The following AGBL4 variants were observed in gnomAD, a reference collection of about 807,000 sequenced individuals.
AGBL4 encodes the protein AGBL carboxypeptidase 4, also known as cytosolic carboxypeptidase 6.
In AGBL4, 58 loss-of-function variants were observed where a neutral mutation model predicts 66.4. That is an observed-to-expected ratio of 0.87 (90% CI 0.71 to 1.09). The LOEUF is 1.09. Ranked by LOEUF, AGBL4 falls within the 50% of genes least tolerant of loss-of-function variation. AGBL4 has a pLI of 0.00. For missense variants in AGBL4, 579 were observed against 631.0 expected (o/e 0.92, Z 0.88); for synonymous variants, 234 against 222.9 (o/e 1.05, Z -0.44).
chr1:48,960,552 T>G (rs566619020), intron 5 of AGBL4, among the ~76,000 whole-genome samples: 74 of 152,236 alleles, frequency 4.9e-4, no homozygotes, highest in African/African-American at 1.8e-3. Flanking sequence ...CTCTGGTGTA[T>G]TTCAAAATCT....
downstream of AGBL4, among the ~76,000 whole-genome samples, chr1:48,529,564 T>C (rs1014594952): frequency 1.3e-5 from 2 of 152,160 alleles, no homozygotes; most frequent in Admixed American, 1.3e-4. Flanking sequence ...CTGTTCCTAT[T>C]ACGTTATGTC....
chr1:49,738,983 T>A (rs558666023), intron 2 of AGBL4, among the ~76,000 whole-genome samples: 2 of 152,312 alleles, frequency 1.3e-5, no homozygotes, highest in African/African-American at 4.8e-5. Flanking sequence ...CTAAAAAGTC[T>A]GAAAATCAGA....
chr1:49,416,049 G>A (rs143261582), intron 3 of AGBL4, among the ~76,000 whole-genome samples: 197 of 152,138 alleles, frequency 1.3e-3, no homozygotes, highest in African/African-American at 4.5e-3. Context: ...AGGGGTCAAT[G>A]TCAAAAATAT....
chr1:49,514,627 C>T (rs1332210109), intron 3 of AGBL4, among the ~76,000 whole-genome samples: 1 of 152,106 alleles, frequency 6.6e-6, no homozygotes, highest in Non-Finnish European at 1.5e-5. Context: ...CGCTACCTGA[C>T]TTCAAACTAT....
At chr1:48,788,800 C>T (rs769690563) in intron 6 of AGBL4, among the ~76,000 whole-genome samples, 30 of 152,052 alleles carry the variant, frequency 2.0e-4, no homozygotes, top group Non-Finnish European at 3.4e-4. Context: ...ATTTGGTGAG[C>T]GCTTATAATG....
At chr1:49,762,669 C>A (rs1423686995) in intron 2 of AGBL4, among the ~76,000 whole-genome samples, 2 of 152,226 alleles carry the variant, frequency 1.3e-5, no homozygotes, top group East Asian at 3.8e-4. Flanking sequence ...GCCTTGGCCT[C>A]CCAAAGTGTT....
chr1:49,129,583 G>C (rs967188980), intron 4 of AGBL4, among the ~76,000 whole-genome samples: 7 of 151,432 alleles, frequency 4.6e-5, no homozygotes, highest in Admixed American at 2.0e-4. Flanking sequence ...TTGTCCTTGC[G>C]ATAGTTTACT....
chr1:49,656,659 T>G (rs1055813058), intron 3 of AGBL4, among the ~76,000 whole-genome samples: 3 of 152,146 alleles, frequency 2.0e-5, no homozygotes, highest in African/African-American at 7.2e-5. Context: ...TTATCCACCA[T>G]GATCAAGTGG....
chr1:48,921,941 G>GT (rs1642668933), intron 5 of AGBL4, among the ~76,000 whole-genome samples: 2 of 152,256 alleles, frequency 1.3e-5, no homozygotes, highest in Middle Eastern at 3.4e-3. Context: ...GTAAGCATCA[G>GT]TTAAAACAAT....
intron 2 of AGBL4, among the ~76,000 whole-genome samples, chr1:49,704,603 G>A (rs1647167279): frequency 6.6e-6 from 1 of 152,016 alleles, no homozygotes; most frequent in Non-Finnish European, 1.5e-5. Context: ...GCTAATTTTT[G>A]TATAAGGTGT....
intron 2 of AGBL4, chr1:49,842,243 C>T: frequency 2.2e-6 from 1 of 445,278 alleles, no homozygotes; most frequent in South Asian, 1.9e-5. Flanking sequence ...CCAGAGGGCC[C>T]TGTACTATGA....
At chr1:49,466,036 T>C (rs865921379) in intron 3 of AGBL4, among the ~76,000 whole-genome samples, 2 of 151,992 alleles carry the variant, frequency 1.3e-5, no homozygotes, top group African/African-American at 4.8e-5. Flanking sequence ...TAGAGTAGCA[T>C]TTTGTGCCTT....
intron 7 of AGBL4, among the ~76,000 whole-genome samples, chr1:48,653,841 A>C (rs1222564578): frequency 3.3e-5 from 5 of 152,198 alleles, no homozygotes; most frequent in African/African-American, 1.2e-4. Context: ...TCTAATAGGC[A>C]CACTTAGTTA....
At chr1:49,366,160 A>G (rs1461703733) in intron 3 of AGBL4, among the ~76,000 whole-genome samples, 4 of 151,776 alleles carry the variant, frequency 2.6e-5, no homozygotes, top group Admixed American at 2.0e-4. Context: ...TCATTCTTCA[A>G]AAAAAAAGAT....
At chr1:48,994,039 A>ACC (rs1660817908) in intron 5 of AGBL4, among the ~76,000 whole-genome samples, 1 of 152,162 alleles carries the variant, frequency 6.6e-6, no homozygotes, top group African/African-American at 2.4e-5. Flanking sequence ...AGGGAGGATG[A>ACC]TCAGTGGAGG....
At chr1:48,827,337 C>T (rs1027841772) in intron 6 of AGBL4, among the ~76,000 whole-genome samples, 3 of 152,200 alleles carry the variant, frequency 2.0e-5, no homozygotes, top group African/African-American at 7.2e-5. Context: ...ATTCTTATCT[C>T]TCACAAAATG....
intron 3 of AGBL4, among the ~76,000 whole-genome samples, chr1:49,265,220 C>T (rs1347844357): frequency 3.3e-5 from 5 of 152,206 alleles, no homozygotes; most frequent in South Asian, 2.1e-4. Context: ...TTGAGACTAA[C>T]GCTTGGCACT....
rs1021458463 is a variant in AGBL4 at position 49,514,184 on chromosome 1, C to T, written c.282+183129G>A. Among the ~76,000 whole-genome samples the T allele has an allele frequency of 4.6e-5, 7 of 151,968 alleles. No individual in the cohort carries two copies. In the South Asian group the frequency reaches 1.5e-3, roughly 32 times the overall value. On this transcript the variant is annotated intron_variant, in intron 3 of 13. Transcript: ENST00000371839. ...CTGCAAACAGGGACAATTTGACTTC[C>T]TCTTTTCCTAATTGAATACCCTTTA...
At chr1:49,140,020 T>C (rs946113305) in intron 4 of AGBL4, among the ~76,000 whole-genome samples, 1 of 152,192 alleles carries the variant, frequency 6.6e-6, no homozygotes, top group Non-Finnish European at 1.5e-5. Context: ...AATAAATTTA[T>C]GATTTCCAGT....
Sources: gnomAD v4.1 joint callset for allele counts (sites outside exome capture counted in the v4.1 genomes callset) on GRCh38, gnomAD v4.1.1 for gene constraint, MANE v1.5 for transcripts, NCBI Gene and HGNC (gene_info 2026-07-23, HGNC 2026-07-21) for gene names.